The following P3H1 variants were observed in gnomAD, a reference collection of about 807,000 sequenced individuals.
P3H1 encodes growth suppressor 1.
P3H1 carries 69 observed loss-of-function variants against 84.0 expected under a neutral mutation model. The observed-to-expected ratio is 0.82, with a 90% CI of 0.68 to 1.00. The LOEUF is 1.00. Ranked by LOEUF, P3H1 falls within the 50% of genes least tolerant of loss-of-function variation. The pLI is 0.00. For missense variants in P3H1, 878 were observed against 962.8 expected, an observed-to-expected ratio of 0.91 and a Z score of 1.17; for synonymous variants, 366 against 388.8, an observed-to-expected ratio of 0.94 and a Z score of 0.69.
chr1:42,746,841 C>T lies in P3H1; in HGVS notation c.2067G>A (p.Gln689=), dbSNP rs750139379. ...DPRHSERDRV[Q]ADDLVKMLFS... ...AGAGCATCTTCACCAGGTCATCTGC[C>T]TGCACCCTGTCCTGCAAGGACAAAC... The change falls in exon 15 of 15, where the codon CAG becomes CAA. Residue 689 remains glutamine, a synonymous_variant. Transcript: ENST00000296388. 3 of 1,613,752 alleles carry T rather than the reference C, an allele frequency of 1.9e-6. No individual in the cohort carries two copies. The Admixed American group carries it at 5.0e-5, about 27-fold the overall frequency.
chr1:42,763,224 A>AT (rs987867368), intron 1 of P3H1, among the ~76,000 whole-genome samples: 5 of 151,638 alleles, frequency 3.3e-5, no homozygotes, highest in African/African-American at 9.7e-5. Flanking sequence ...CTAGAAAAAA[A>AT]TTTTTTTTTG....
At chr1:42,750,361 T>C in intron 10 of P3H1, 25 bp from the exon 11 acceptor site, 1 of 1,613,452 alleles carries the variant, frequency 6.2e-7, no homozygotes, top group African/African-American at 1.3e-5. Context: ...GATGGTCAGC[T>C]GCCCTCAACG....
Position 42,747,797 on chromosome 1 carries a change from C to A in P3H1, c.1840G>T (p.Ala614Ser), listed in dbSNP as rs868224632. ...AAGTCCCCATTTAGGTAAAGGATGGCGCTGGGAAAGGCAGAGACATCTCAT... is the reference window on the plus strand; with the variant it reads ...AAGTCCCCATTTAGGTAAAGGATGGAGCTGGGAAAGGCAGAGACATCTCAT... The part of the protein sequence containing the change: ...PPAYTFRDYS[A>S]ILYLNGDFDG... Residue 614 changes from alanine (A) to serine (S), a missense_variant and splice_region_variant, in exon 13 of 15, where the codon GCC becomes TCC. Physicochemically the swap from Ala to Ser is moderately conservative, Grantham distance 99. Coordinates refer to ENST00000296388, the MANE Select transcript of P3H1 (RefSeq NM_022356.4). 3.7e-6 allele frequency: 6 copies of A among 1,614,102 alleles called. No homozygotes were observed. Among genetic ancestry groups the A allele is most frequent in the Middle Eastern group, 1.7e-4 (1 of 6,056 alleles).
intron 5 of P3H1, among the ~76,000 whole-genome samples, chr1:42,757,000 G>A (rs1196656150): frequency 6.6e-6 from 1 of 152,196 alleles, no homozygotes; most frequent in Non-Finnish European, 1.5e-5. Context: ...TTTCCAAAAG[G>A]GGACTTCTAG....
rs745390402 is a variant in P3H1, at chr1:42,754,104, C to T, written c.1345+765G>A. On this transcript the variant is annotated intron_variant, in intron 8 of 14. Coordinates refer to ENST00000296388, the MANE Select transcript of P3H1 (RefSeq NM_022356.4). This position sits in a 1 kb window ranked among gnomAD's most constrained non-coding sequence, Gnocchi z 4.0. ...CGGTGTAAACAGGACAAGAGTAGAA[C>T]ATTCGGTTAAGGGGCAGGCACGGAG... 1.2e-4 allele frequency among the ~76,000 whole-genome samples: 19 copies of T among 152,128 alleles called. No individual in the cohort carries two copies. The highest frequency in any genetic ancestry group is 2.5e-4 in the Non-Finnish European group (17 of 68,048).
Position 42,755,212 on chromosome 1 carries a change from T to C in P3H1, c.1176A>G (p.Ser392=), listed in dbSNP as rs748354511. The change falls in exon 7 of 15, where the codon TCA becomes TCG. Residue 392 remains serine (S), a synonymous_variant. Coordinates refer to ENST00000296388, the MANE Select transcript of P3H1 (RefSeq NM_022356.4). Reference sequence around the variant, plus strand: ...TGGGAATCACTTCTTCTGGAGTCCATGAATCCTAAGTAGGTCAGGAAGAAA... The same window carrying C: ...TGGGAATCACTTCTTCTGGAGTCCACGAATCCTAAGTAGGTCAGGAAGAAA... ...VFGIPFVDPD[S]WTPEEVIPKR... The C allele has an allele frequency of 7.4e-6, 12 of 1,613,908 alleles. No individual in the cohort carries two copies. Among genetic ancestry groups the C allele is most frequent in the Non-Finnish European group, 1.0e-5 (12 of 1,179,866 alleles).
Position 42,766,904 on chromosome 1 carries a change from T to G in P3H1, c.68A>C (p.Glu23Ala). ...GCCCCATCCTGCCTCGGACTCGACC[T>G]CGGCTTGGGAGGCAGCGGCCACGAC... ...LAVVAAASQA[E>A]VESEAGWGMV... The change falls in exon 1 of 15, where the codon GAG (glutamate) becomes GCG (alanine). Residue 23 changes from glutamate (E) to alanine (A), a missense_variant. Transcript: ENST00000296388. 6.2e-7 allele frequency: 1 copy of G among 1,609,252 alleles called. No individual in the cohort carries two copies. Among genetic ancestry groups the G allele is most frequent in the South Asian group, 1.1e-5 (1 of 91,078 alleles).
intron 2 of P3H1, among the ~76,000 whole-genome samples, 190 bp from the exon 3 acceptor site, chr1:42,759,580 T>G (rs943854113): frequency 6.6e-6 from 1 of 152,218 alleles, no homozygotes; most frequent in Non-Finnish European, 1.5e-5. Context: ...CTCTGGAAAT[T>G]TAAAAACATT....
rs753918730 is a variant in P3H1, at chr1:42,766,539, GGCT to G, written c.430_432del (p.Ser144del). ...TAGGCGACCTGCAGGTAGTTGTAGG[GGCT>G]CCGCTTGCGGAACTCCAGCTCCATC... On this transcript the variant is annotated inframe_deletion, in exon 1 of 15. Transcript: ENST00000296388. 6.2e-7 allele frequency: 1 copy of G among 1,612,176 alleles called. No homozygotes were observed. The highest frequency in any genetic ancestry group is 8.5e-7 in the Non-Finnish European group (1 of 1,179,570).
At chr1:42,755,408 C>A (rs1652342007) in intron 6 of P3H1, 140 bp downstream of exon 6, 1 of 958,544 alleles carries the variant, frequency 1.0e-6, no homozygotes, top group Non-Finnish European at 1.7e-6. Flanking sequence ...TGTCTCTCAT[C>A]CCTGCCTTGC....
chr1:42,763,876 G>C (rs990865046), intron 1 of P3H1, among the ~76,000 whole-genome samples: 1 of 151,506 alleles, frequency 6.6e-6, no homozygotes, highest in Admixed American at 6.6e-5. Flanking sequence ...CAGGCACGGG[G>C]GTTCACGCCT....
chr1:42,754,985 T>G lies in P3H1; in HGVS notation c.1229A>C (p.Glu410Ala). 1 of 1,614,206 alleles carries G rather than the reference T, an allele frequency of 6.2e-7. No individual in the cohort carries two copies. The highest frequency in any genetic ancestry group is 8.5e-7 in the Non-Finnish European group (1 of 1,180,034). Residue 410 changes from glutamate to alanine, a missense_variant, in exon 8 of 15, where the codon GAA (glutamate) becomes GCA (alanine). By Grantham distance (107) the Glu-to-Ala change is moderately radical. Transcript: ENST00000296388. This position sits in a 1 kb window ranked among gnomAD's most constrained non-coding sequence, Gnocchi z 4.0. ...PKRLQEKQKS[E>A]RETAVRISQE... ...GGAGATGCGTACGGCTGTTTCCCGT[T>G]CTGACCTATGAGCACAGCCGCTCTG...
chr1:42,757,092 G>A (rs1033867951), intron 5 of P3H1, among the ~76,000 whole-genome samples: 1 of 152,170 alleles, frequency 6.6e-6, no homozygotes, highest in East Asian at 1.9e-4. Context: ...GGAAGGCAGG[G>A]AAAAGGTATT....
At position 42,757,765 on chromosome 1, in the gene P3H1, C is replaced by T. The variant is rs1293659282; in HGVS notation, c.1080+18G>A. On this transcript the variant is annotated intron_variant, in intron 5 of 14. Transcript: ENST00000296388. Reference sequence around the variant, plus strand: ...TGAGTTCAGCTGGCAGCTGTCATAACAGAAGGAAGTCTCTCACCTCACGGG... The same window carrying T: ...TGAGTTCAGCTGGCAGCTGTCATAATAGAAGGAAGTCTCTCACCTCACGGG... The T allele has an allele frequency of 6.2e-7, 1 of 1,614,218 alleles. No homozygotes were observed. Among genetic ancestry groups the T allele is most frequent in the African/African-American group, 1.3e-5 (1 of 75,054 alleles).
At chr1:42,764,525 A>G (rs1225935912) in intron 1 of P3H1, among the ~76,000 whole-genome samples, 2 of 152,018 alleles carry the variant, frequency 1.3e-5, no homozygotes, top group Non-Finnish European at 2.9e-5. Context: ...CAAGATACTT[A>G]AAGTTTACTT....
In P3H1 at chr1:42,752,651, C is replaced by A. The variant is rs529980414; in HGVS notation, c.1359G>T (p.Leu453=). Residue 453 remains leucine, a synonymous_variant, in exon 9 of 15, where the codon CTG becomes CTT. Coordinates refer to ENST00000296388, the MANE Select transcript of P3H1 (RefSeq NM_022356.4). The part of the protein sequence containing the change: ...SRLTREGGPL[L]YEGISLTMNS... ...TCATGGTGAGACTGATGCCTTCATA[C>A]AGCAGGGGGCCACCTGCAAAGCAAT... is the stretch of plus-strand genomic sequence containing the variant. 11 of 1,614,222 alleles carry A rather than the reference C, an allele frequency of 6.8e-6. No individual in the cohort carries two copies. Among genetic ancestry groups the A allele is most frequent in the Admixed American group, 3.3e-5 (2 of 60,022 alleles).
chr1:42,766,852 G>C lies in P3H1; in HGVS notation c.120C>G (p.Ala40=), dbSNP rs2124176366. The C allele has an allele frequency of 6.2e-7, 1 of 1,606,196 alleles. No homozygotes were observed. The highest frequency in any genetic ancestry group is 8.5e-7 in the Non-Finnish European group (1 of 1,179,806). The change falls in exon 1 of 15, where the codon GCC becomes GCG. Residue 40 remains alanine (A), a synonymous_variant. Transcript: ENST00000296388. ...CGCGCGCGTAGGCTGCGGTCCCCTC[G>C]GCGAAGAGCAGATCAGGCGTCACCA... The part of the protein sequence containing the change: ...WGMVTPDLLF[A]EGTAAYARGD...
intron 1 of P3H1, 138 bp from the exon 2 acceptor site, chr1:42,762,613 C>G (rs183220386): frequency 2.3e-6 from 2 of 861,440 alleles, no homozygotes; most frequent in Non-Finnish European, 3.8e-6. Context: ...CCTGCCAGCC[C>G]CAGGAAGCAC....
At chr1:42,756,290 C>A (rs1347438834) in intron 5 of P3H1, 1 of 154,272 alleles carries the variant, frequency 6.5e-6, no homozygotes, top group African/African-American at 2.4e-5. Flanking sequence ...TGCTCTGCCA[C>A]CTGCCTCCTC....
Sources: gnomAD v4.1 joint callset for allele counts (sites outside exome capture counted in the v4.1 genomes callset) on GRCh38, gnomAD v4.1.1 for gene constraint, Gnocchi (gnomAD v3.1) non-coding constraint, MANE v1.5 for transcripts, NCBI Gene and HGNC (gene_info 2026-07-23, HGNC 2026-07-21) for gene names.